Variants in MTOR observed in about 807,000 individuals in gnomAD.
MTOR encodes serine/threonine-protein kinase mTOR.
Under a neutral mutation model 319.8 loss-of-function variants are expected in MTOR, and 70 were observed. That is an observed-to-expected ratio of 0.22 (90% CI 0.18 to 0.27). MTOR has a LOEUF of 0.27. Ranked by LOEUF, MTOR falls within the 10% of genes least tolerant of loss-of-function variation. The probability of loss-of-function intolerance (pLI) is 1.00; values close to 1 mark genes in which losing one functional copy is unlikely to be tolerated. For missense variants in MTOR, 1,890 were observed against 3,274.4 expected, an observed-to-expected ratio of 0.58 and a Z score of 10.32; for synonymous variants, 1,183 against 1,211.4, an observed-to-expected ratio of 0.98 and a Z score of 0.49.
Position 11,106,900 on chromosome 1 carries a change from G to A in MTOR, c.*585C>T, listed in dbSNP as rs1004939638. ...GGTCTTGAATTGAAGCGTGTGAGTCGCAGCATCACTGGGTCTGATGGAAGA... is the reference window on the plus strand; with the variant it reads ...GGTCTTGAATTGAAGCGTGTGAGTCACAGCATCACTGGGTCTGATGGAAGA... On this transcript the variant is annotated 3_prime_UTR_variant, in exon 58 of 58. Transcript: ENST00000361445. The A allele has an allele frequency of 1.2e-5, 17 of 1,364,706 alleles. No homozygotes were observed. The highest frequency in any genetic ancestry group is 6.6e-5 in the Admixed American group (3 of 45,698). The allele number at this position is 1,364,706 out of a possible 1,614,324, so 84.5% of individuals were successfully genotyped here. A position where few individuals can be genotyped will look rare whatever the true frequency, so the allele number is the denominator to read the frequency against.
rs1220273261 is a variant in MTOR at position 11,199,289 on chromosome 1, G to T, written c.4222C>A (p.Pro1408Thr). ...HYKELEFQKG[P>T]TPAILESLIS... is the part of the protein sequence containing the mutation. Reference sequence around the variant, plus strand: ...AGAGATTCTAGAATGGCAGGGGTGGGGCCTTTCTGGAACTCCAGTTCTTTG... The same window carrying T: ...AGAGATTCTAGAATGGCAGGGGTGGTGCCTTTCTGGAACTCCAGTTCTTTG... Residue 1408 changes from proline to threonine, a missense_variant, in exon 28 of 58, where the codon CCC becomes ACC. By Grantham distance (38) the Pro-to-Thr change is conservative. Transcript: ENST00000361445. This position sits in a 1 kb window ranked among gnomAD's most constrained non-coding sequence, Gnocchi z 4.5. 3 of 1,613,942 alleles carry T rather than the reference G, an allele frequency of 1.9e-6. No homozygotes were observed. Among genetic ancestry groups the T allele is most frequent in the Non-Finnish European group, 2.5e-6 (3 of 1,180,026 alleles).
At chr1:11,227,202 G>A (rs1265723158) in intron 19 of MTOR, among the ~76,000 whole-genome samples, 1 of 149,060 alleles carries the variant, frequency 6.7e-6, no homozygotes, top group African/African-American at 2.5e-5. Context: ...AGAGGCTGAG[G>A]CAGGAGAATT....
chr1:11,225,313 G>C (rs80209329), intron 19 of MTOR, among the ~76,000 whole-genome samples: 1,596 of 152,002 alleles, frequency 0.01, 38 homozygotes, highest in African/African-American at 0.037. Flanking sequence ...ATAGCCTTAA[G>C]AGATTACATT....
At chr1:11,136,810 T>TG (rs1303163838) in intron 36 of MTOR, among the ~76,000 whole-genome samples, 2 of 150,926 alleles carry the variant, frequency 1.3e-5, no homozygotes, top group African/African-American at 4.9e-5. Context: ...TTTTTTTTTT[T>TG]CTAGGAGAAC....
At chr1:11,210,057 G>A (rs923511692) in intron 24 of MTOR, among the ~76,000 whole-genome samples, 4 of 152,140 alleles carry the variant, frequency 2.6e-5, no homozygotes, top group South Asian at 4.1e-4. Context: ...TAATGGAGAC[G>A]AGGTTTCGCC....
Position 11,121,910 on chromosome 1 carries a change from G to A in MTOR, c.6810+69C>T. 1 of 1,574,572 alleles carries A rather than the reference G, an allele frequency of 6.4e-7. No individual in the cohort carries two copies. Among genetic ancestry groups the A allele is most frequent in the Non-Finnish European group, 8.7e-7 (1 of 1,155,320 alleles). On this transcript the variant is annotated intron_variant, in intron 48 of 57. Transcript: ENST00000361445. The surrounding 1 kb of genome is among the most constrained non-coding windows in gnomAD (Gnocchi z 4.9). The stretch of plus-strand genomic sequence containing the variant: ...CAGTGACAGACATACAGAGAGGAAT[G>A]AGAAAAGCAGCGCTACGGAGATTCC...
intron 28 of MTOR, among the ~76,000 whole-genome samples, chr1:11,180,163 C>T (rs1645102358): frequency 6.6e-6 from 1 of 152,144 alleles, no homozygotes; most frequent in South Asian, 2.1e-4. Flanking sequence ...TCTTGGCCTC[C>T]CAAAGTGCTG....
At chr1:11,205,808 A>C (rs1451946052) in intron 25 of MTOR, among the ~76,000 whole-genome samples, 1 of 152,250 alleles carries the variant, frequency 6.6e-6, no homozygotes, top group African/African-American at 2.4e-5. Context: ...TTTTTCCAGC[A>C]GGACACATCA....
chr1:11,138,665 A>G lies in MTOR; in HGVS notation c.5130+639T>C, dbSNP rs375387306. ...AGTGAGACTCCCTCTTCCTTTTAAG[A>G]AGGAGGAAGGGGAAGCCAAAGCAGG... On this transcript the variant is annotated intron_variant, in intron 36 of 57. Coordinates refer to ENST00000361445, the MANE Select transcript of MTOR (RefSeq NM_004958.4). Among the ~76,000 whole-genome samples the G allele has an allele frequency of 2.6e-4, 40 of 152,276 alleles. No homozygotes were observed. The South Asian group carries it at 7.9e-3, about 30-fold the overall frequency.
chr1:11,220,676 C>T lies in MTOR; in HGVS notation c.3031-4442G>A, dbSNP rs11807164. Among the ~76,000 whole-genome samples, 659 of 152,314 alleles carry T rather than the reference C, an allele frequency of 4.3e-3. 9 individuals are homozygous for T. The highest frequency in any genetic ancestry group is 0.015 in the African/African-American group (640 of 41,568). On this transcript the variant is annotated intron_variant, in intron 19 of 57. Transcript: ENST00000361445. ...TCTAAAACAAGCTTGTCCAACTCCT[C>T]GTGCTCTAGAAGCTAGAAAAAGCAA...
chr1:11,228,671 C>T lies in MTOR; in HGVS notation c.3027G>A (p.Arg1009=), dbSNP rs1646924964. Residue 1009 remains arginine, a synonymous_variant, in exon 19 of 58, where the codon CGG becomes CGA. Coordinates refer to ENST00000361445, the MANE Select transcript of MTOR (RefSeq NM_004958.4). ...GATTGGGGTTTGAGGTACTTACTTC[C>T]CGGATGGCCCCATCACAGACTCGAA... ...NVIRVCDGAI[R]EFLFQQLGML... 2 of 1,613,620 alleles carry T rather than the reference C, an allele frequency of 1.2e-6. No individual in the cohort carries two copies.
intron 1 of MTOR, among the ~76,000 whole-genome samples, chr1:11,261,801 G>A (rs143486315): frequency 5.3e-5 from 8 of 152,102 alleles, no homozygotes; most frequent in African/African-American, 1.9e-4. Context: ...CCGAAAGGGG[G>A]GAAGGTGGCT....
At chr1:11,221,306 T>C (rs572135610) in intron 19 of MTOR, among the ~76,000 whole-genome samples, 2 of 152,122 alleles carry the variant, frequency 1.3e-5, no homozygotes, top group Admixed American at 1.3e-4. Context: ...AAATTTTTTG[T>C]AAACTCAAGG....
chr1:11,183,948 T>C (rs955912287), intron 28 of MTOR, among the ~76,000 whole-genome samples: 1 of 152,196 alleles, frequency 6.6e-6, no homozygotes, highest in Non-Finnish European at 1.5e-5. Flanking sequence ...AAGGAATAAA[T>C]ACATAAATAT....
At chr1:11,117,252 C>G (rs577474802) in intron 49 of MTOR, among the ~76,000 whole-genome samples, 166 bp from the exon 50 acceptor site, 2 of 152,336 alleles carry the variant, frequency 1.3e-5, no homozygotes, top group Admixed American at 1.3e-4. Context: ...CCTCCACCTC[C>G]CGGGTTCAAG....
intron 19 of MTOR, 113 bp from the exon 20 acceptor site, chr1:11,216,347 A>G (rs571628014): frequency 1.4e-6 from 1 of 695,010 alleles, no homozygotes; most frequent in African/African-American, 1.8e-5. Flanking sequence ...TTTCCACACT[A>G]CACTATCTAC....
Position 11,247,619 on chromosome 1 carries a change from C to T in MTOR, c.1225+6G>A, listed in dbSNP as rs1649025600. The T allele has an allele frequency of 6.2e-7, 1 of 1,613,412 alleles. No homozygotes were observed. The highest frequency in any genetic ancestry group is 8.5e-7 in the Non-Finnish European group (1 of 1,179,474). On this transcript the variant is annotated splice_donor_region_variant and intron_variant, in intron 8 of 57. Coordinates refer to ENST00000361445, the MANE Select transcript of MTOR (RefSeq NM_004958.4). The stretch of plus-strand genomic sequence containing the variant: ...GGGTAATGATGTCTTCCATGGACAT[C>T]CTCACCTGTGAAGGCAGAAGGTCGG...
At position 11,213,386 on chromosome 1, in the gene MTOR, G is replaced by A. The variant is rs115330656; in HGVS notation, c.3285+13C>T. 1.1e-3 allele frequency: 1,833 copies of A among 1,607,820 alleles called. 12 individuals carry two copies. The African/African-American group carries it at 0.02, about 18-fold the overall frequency. ...TCAGAAAATCTCTCTGGAGGATGACGTAGGCTACTCACCTTGATAGAGACA... is the reference window on the plus strand; with the variant it reads ...TCAGAAAATCTCTCTGGAGGATGACATAGGCTACTCACCTTGATAGAGACA... On this transcript the variant is annotated intron_variant, in intron 21 of 57. Transcript: ENST00000361445.
chr1:11,244,699 T>C (rs945317002), intron 8 of MTOR, among the ~76,000 whole-genome samples: 1 of 152,244 alleles, frequency 6.6e-6, no homozygotes, highest in Admixed American at 6.5e-5. Flanking sequence ...GGGTTAACAA[T>C]GGACCATGTA....
Sources: allele counts gnomAD v4.1 joint callset (sites outside exome capture counted in the v4.1 genomes callset), GRCh38; gene constraint gnomAD v4.1.1; non-coding constraint Gnocchi (gnomAD v3.1); transcripts MANE v1.5; gene names NCBI Gene and HGNC (gene_info 2026-07-23, HGNC 2026-07-21).